TRPM3: variants seen among roughly 807,000 people sequenced by gnomAD.
The protein encoded by TRPM3 is transient receptor potential cation channel subfamily M member 3, also known as long transient receptor potential channel 3.
TRPM3 carries 77 observed loss-of-function variants against 181.2 expected under a neutral mutation model. The observed-to-expected ratio is 0.42, with a 90% CI of 0.35 to 0.51. The LOEUF is 0.51. Ranked by LOEUF, TRPM3 falls within the 20% of genes least tolerant of loss-of-function variation. The pLI is 0.01. For missense variants in TRPM3, 1,759 were observed against 2,196.7 expected (o/e 0.80, Z 3.98); for synonymous variants, 745 against 796.4 (o/e 0.94, Z 1.09).
At chr9:71,280,774 T>TAC (rs1466861177) in intron 1 of TRPM3, among the ~76,000 whole-genome samples, 1 of 152,024 alleles carries the variant, frequency 6.6e-6, no homozygotes, top group Non-Finnish European at 1.5e-5. Context: ...CACAAACACA[T>TAC]ACACACACAC....
intron 9 of TRPM3, among the ~76,000 whole-genome samples, chr9:70,641,351 G>T (rs765477584): frequency 1.3e-4 from 20 of 152,290 alleles, no homozygotes; most frequent in Non-Finnish European, 1.5e-4. Flanking sequence ...GCTTCTGCTG[G>T]CCAATCACTG....
intron 1 of TRPM3, among the ~76,000 whole-genome samples, chr9:71,445,966 G>GT (rs558862290): frequency 6.6e-6 from 1 of 152,166 alleles, no homozygotes; most frequent in Non-Finnish European, 1.5e-5. Flanking sequence ...TGCAGCTAAA[G>GT]TTTTTTATCA....
chr9:71,224,108 G>T (rs1222680490), intron 1 of TRPM3, among the ~76,000 whole-genome samples: 2 of 152,202 alleles, frequency 1.3e-5, no homozygotes, highest in Non-Finnish European at 2.9e-5. Context: ...GGTGGCTTCA[G>T]GTCTGACCTA....
intron 5 of TRPM3, among the ~76,000 whole-genome samples, chr9:70,837,165 C>G (rs558877317): frequency 1.1e-4 from 16 of 152,270 alleles, no homozygotes; most frequent in African/African-American, 3.4e-4. Context: ...GCCAGGGCCA[C>G]TCCTGGAAAG....
intron 22 of TRPM3, among the ~76,000 whole-genome samples, chr9:70,556,160 C>T (rs1473707372): frequency 6.6e-6 from 1 of 151,900 alleles, no homozygotes. Context: ...AACATATTTC[C>T]AGGTCTCTGC....
chr9:70,919,546 C>T (rs764046115), intron 1 of TRPM3, among the ~76,000 whole-genome samples: 18 of 152,108 alleles, frequency 1.2e-4, no homozygotes, highest in Non-Finnish European at 1.8e-4. Context: ...CACTTTGGGA[C>T]GCCAAGGTGG....
At chr9:70,971,526 A>T (rs981517821) in intron 1 of TRPM3, among the ~76,000 whole-genome samples, 1 of 152,080 alleles carries the variant, frequency 6.6e-6, no homozygotes, top group Non-Finnish European at 1.5e-5. Flanking sequence ...CCTATTAGGG[A>T]TGAATTGTCT....
chr9:71,321,541 A>G (rs916083484), intron 1 of TRPM3, among the ~76,000 whole-genome samples: 2 of 152,198 alleles, frequency 1.3e-5, no homozygotes, highest in Admixed American at 6.5e-5. Context: ...TCCTAGTCCT[A>G]GAATATAAGA....
intron 19 of TRPM3, among the ~76,000 whole-genome samples, chr9:70,604,171 G>A (rs541845015): frequency 6.6e-6 from 1 of 152,210 alleles, no homozygotes; most frequent in Admixed American, 6.5e-5. Context: ...ATCCCCAAGA[G>A]GCTCTGGCTC....
In TRPM3 at chr9:70,845,827, A is replaced by C. The variant is rs1052681082; in HGVS notation, c.676+551T>G. 7.9e-5 allele frequency among the ~76,000 whole-genome samples: 12 copies of C among 152,238 alleles called. 1 individual carries two copies. The highest frequency in any genetic ancestry group is 5.2e-4 in the Admixed American group (8 of 15,282). ...TAAGAACTGATTTGAGAATGCGTCT[A>C]TATCACAATATAGATGGCAGGAAGC... On this transcript the variant is annotated intron_variant, in intron 4 of 25. Transcript: ENST00000677713.
At chr9:71,264,274 C>T (rs1336755599) in intron 1 of TRPM3, among the ~76,000 whole-genome samples, 2 of 152,186 alleles carry the variant, frequency 1.3e-5, no homozygotes, top group African/African-American at 4.8e-5. Flanking sequence ...ATGGTGTGCC[C>T]CCTCTCAGAA....
intron 1 of TRPM3, among the ~76,000 whole-genome samples, chr9:71,078,069 A>G (rs1222472545): frequency 6.6e-6 from 1 of 152,040 alleles, no homozygotes; most frequent in Non-Finnish European, 1.5e-5. Flanking sequence ...ATACACATAT[A>G]TGTGCGCTTG....
At chr9:70,668,903 T>C (rs900095054) in intron 9 of TRPM3, among the ~76,000 whole-genome samples, 1 of 152,192 alleles carries the variant, frequency 6.6e-6, no homozygotes, top group African/African-American at 2.4e-5. Context: ...TTCATTGCCC[T>C]GAAGCAAGCC....
At chr9:70,883,182 A>G (rs1451612254) in intron 1 of TRPM3, among the ~76,000 whole-genome samples, 1 of 152,162 alleles carries the variant, frequency 6.6e-6, no homozygotes, top group Non-Finnish European at 1.5e-5. Context: ...CTCCACACCC[A>G]TCCCCATGGT....
chr9:70,953,487 G>C (rs1564834038), intron 1 of TRPM3, among the ~76,000 whole-genome samples: 1 of 151,900 alleles, frequency 6.6e-6, no homozygotes, highest in African/African-American at 2.4e-5. Context: ...GTTTTTAAAT[G>C]TCTCCTGAGC....
chr9:70,581,894 T>TCCTTCCCTCCCTTCTTCATTCCTTC (rs2055826428), intron 22 of TRPM3, among the ~76,000 whole-genome samples: 2 of 148,268 alleles, frequency 1.3e-5, no homozygotes, highest in Non-Finnish European at 3.0e-5. Context: ...CTCCCTCCCT[T>TCCTTCCCTCCCTTCTTCATTCCTTC]CCTCCTTCCC....
chr9:70,828,165 G>A (rs2093667855), intron 5 of TRPM3, 147 bp from the exon 6 acceptor site: 1 of 761,006 alleles, frequency 1.3e-6, no homozygotes, highest in Non-Finnish European at 2.0e-6. Flanking sequence ...TCTTAGTATT[G>A]CTTTGGATAG....
chr9:70,827,786 A>C, intron 6 of TRPM3, 61 bp downstream of exon 6: 9 of 1,567,304 alleles, frequency 5.7e-6, no homozygotes, highest in South Asian at 1.2e-5. Context: ...GGTGTACTTA[A>C]AGTTATTCAC....
intron 25 of TRPM3, among the ~76,000 whole-genome samples, chr9:70,540,214 G>A (rs1357745669): frequency 1.3e-5 from 2 of 152,180 alleles, no homozygotes; most frequent in Admixed American, 6.5e-5. Flanking sequence ...TCTGTAGCAC[G>A]AGATGTTTTG....
Sources: gnomAD v4.1 joint callset for allele counts (sites outside exome capture counted in the v4.1 genomes callset) on GRCh38, gnomAD v4.1.1 for gene constraint, MANE v1.5 for transcripts, NCBI Gene and HGNC (gene_info 2026-07-23, HGNC 2026-07-21) for gene names.